The following SMIM36 variants were observed in gnomAD, a reference collection of about 807,000 sequenced individuals.
The protein encoded by SMIM36 is small integral membrane protein 36.
At chr17:55,494,638 T>C (rs1014920470) in intron 1 of SMIM36, among the ~76,000 whole-genome samples, 4 of 152,168 alleles carry the variant, frequency 2.6e-5, no homozygotes, top group Non-Finnish European at 5.9e-5. Flanking sequence ...GTATATGTAA[T>C]ATGTAAGTAT....
intron 1 of SMIM36, among the ~76,000 whole-genome samples, chr17:55,499,349 A>G (rs9907100): frequency 0.18 from 27,121 of 152,006 alleles, 5,252 homozygotes; most frequent in African/African-American, 0.48. Flanking sequence ...CTGTGAAAAA[A>G]CAGATGGTAG....
chr17:55,521,936 C>T, the SMIM36 span, among the ~76,000 whole-genome samples: 2 of 152,048 alleles, frequency 1.3e-5, no homozygotes, highest in South Asian at 2.1e-4. Flanking sequence ...GATTTCTCCA[C>T]CACCCCTCAC....
chr17:55,476,334 A>G (rs1909426081), intron 3 of SMIM36, among the ~76,000 whole-genome samples: 2 of 150,470 alleles, frequency 1.3e-5, no homozygotes. Flanking sequence ...ACCCCTGCCC[A>G]CAAGAGGAAA....
the SMIM36 span, among the ~76,000 whole-genome samples, chr17:55,531,002 T>C: frequency 6.6e-6 from 1 of 152,200 alleles, no homozygotes; most frequent in African/African-American, 2.4e-5. Context: ...TTCCCTTTTC[T>C]TCCCCACAAT....
chr17:55,512,693 C>T (rs954412444), upstream of SMIM36, among the ~76,000 whole-genome samples: 2 of 152,248 alleles, frequency 1.3e-5, no homozygotes, highest in African/African-American at 2.4e-5. Context: ...CTGTTGCCAT[C>T]TTGAAATTCT....
Position 55,499,292 on chromosome 17 carries a change from G to T in SMIM36, c.*174+11587C>A, listed in dbSNP as rs372080660. Among the ~76,000 whole-genome samples the T allele has an allele frequency of 1.1e-4, 16 of 152,258 alleles. No individual in the cohort carries two copies. The South Asian group carries it at 3.3e-3, about 32-fold the overall frequency. On this transcript the variant is annotated intron_variant, in intron 1 of 4. Transcript: ENST00000636752. ...GCATGCAATTCTAGCAGAGGAGAGA[G>T]ATGGGGTTGGTGGAACAACCATAGG...
chr17:55,464,882 C>G (rs1209115204), intron 4 of SMIM36, among the ~76,000 whole-genome samples: 1 of 152,198 alleles, frequency 6.6e-6, no homozygotes, highest in Non-Finnish European at 1.5e-5. Flanking sequence ...ACATTGTATC[C>G]ATTCCAGTAT....
chr17:55,508,417 T>C (rs1910117226), intron 1 of SMIM36, among the ~76,000 whole-genome samples: 1 of 141,416 alleles, frequency 7.1e-6, no homozygotes. Flanking sequence ...ATATTTTATA[T>C]ATATATTCCT....
intron 1 of SMIM36, among the ~76,000 whole-genome samples, chr17:55,509,139 T>C (rs1467628561): frequency 6.6e-6 from 1 of 152,176 alleles, no homozygotes; most frequent in Non-Finnish European, 1.5e-5. Flanking sequence ...TACAGCTACT[T>C]AACAATCCAA....
At chr17:55,515,943 A>G (rs1044281558), upstream of SMIM36, among the ~76,000 whole-genome samples, 7 of 152,188 alleles carry the variant, frequency 4.6e-5, no homozygotes, top group Non-Finnish European at 8.8e-5. Context: ...ATCCTCTTCT[A>G]TTTTATTTTG....
the SMIM36 span, chr17:55,528,191 C>T: frequency 6.6e-6 from 1 of 152,214 alleles, no homozygotes; most frequent in Admixed American, 6.5e-5. Context: ...CATTGTTCTC[C>T]AACTGCCTAG....
chr17:55,501,414 T>TCTATTATAG (rs1461882004), intron 1 of SMIM36, among the ~76,000 whole-genome samples: 10 of 25,294 alleles, frequency 4.0e-4, no homozygotes, highest in African/African-American at 1.9e-3. Flanking sequence ...TTATATATTA[T>TCTATTATAG]AAAATATAAT....
At chr17:55,497,664 CAGCCTGGCCAACATAGTGA>C (rs1909833278) in intron 1 of SMIM36, among the ~76,000 whole-genome samples, 1 of 152,036 alleles carries the variant, frequency 6.6e-6, no homozygotes, top group Non-Finnish European at 1.5e-5. Context: ...AGTTCAAGAC[CAGCCTGGCCAACATAGTGA>C]AACCCTGTCT....
rs1555620083 is a variant in SMIM36, at chr17:55,460,455, A to AAAAAC, written c.*531+6689_*531+6690insGTTTT. On this transcript the variant is annotated intron_variant, in intron 4 of 4. Coordinates refer to ENST00000636752, the Ensembl canonical transcript of SMIM36. ...AAACAAAAAACAAAAAACAAAACAA[A>AAAAAC]AAAAAAGAACAACAACAACAAAAAA... Among the ~76,000 whole-genome samples, 78 of 148,854 alleles carry AAAAAC rather than the reference A, an allele frequency of 5.2e-4. 1 individual carries two copies. Among genetic ancestry groups the AAAAAC allele is most frequent in the African/African-American group, 1.9e-3 (74 of 39,672 alleles).
At chr17:55,456,049 C>T (rs1012692065) in intron 4 of SMIM36, among the ~76,000 whole-genome samples, 2 of 123,266 alleles carry the variant, frequency 1.6e-5, no homozygotes, top group African/African-American at 3.1e-5. Flanking sequence ...CCCCAGGAGG[C>T]GGAGGTTGCA....
At chr17:55,497,410 A>G (rs952316321) in intron 1 of SMIM36, among the ~76,000 whole-genome samples, 1 of 152,094 alleles carries the variant, frequency 6.6e-6, no homozygotes, top group Non-Finnish European at 1.5e-5. Flanking sequence ...AATTACAGGC[A>G]AGCGCCACCA....
intron 1 of SMIM36, among the ~76,000 whole-genome samples, chr17:55,499,284 A>G (rs1766008485): frequency 6.6e-6 from 1 of 152,170 alleles, no homozygotes; most frequent in Non-Finnish European, 1.5e-5. Flanking sequence ...ATTCTAGCAG[A>G]GGAGAGAGAT....
intron 4 of SMIM36, among the ~76,000 whole-genome samples, chr17:55,462,637 A>G (rs978709409): frequency 6.6e-6 from 1 of 152,142 alleles, no homozygotes; most frequent in African/African-American, 2.4e-5. Flanking sequence ...ATAAATACAT[A>G]CAAATTTTTA....
chr17:55,456,681 G>T (rs1909030570), intron 4 of SMIM36, among the ~76,000 whole-genome samples: 1 of 152,214 alleles, frequency 6.6e-6, no homozygotes, highest in South Asian at 2.1e-4. Flanking sequence ...GTTTAAGTCT[G>T]TGTTTGTTTG....
Sources: gnomAD v4.1 joint callset for allele counts (sites outside exome capture counted in the v4.1 genomes callset) on GRCh38, gnomAD v4.1.1 for gene constraint, MANE v1.5 for transcripts, NCBI Gene and HGNC (gene_info 2026-07-23, HGNC 2026-07-21) for gene names.